The following MYO16 variants were observed in gnomAD, a reference collection of about 807,000 sequenced individuals.
The protein encoded by MYO16 is myosin XVI, also known as unconventional myosin-XVI.
In MYO16, 94 loss-of-function variants were observed where a neutral mutation model predicts 205.3. The observed-to-expected ratio is 0.46, with a 90% CI of 0.39 to 0.54. The LOEUF (loss-of-function observed/expected upper bound fraction) is 0.54. MYO16 is among the 20% of genes least tolerant of loss of function. MYO16 has a pLI of 0.00. For synonymous variants in MYO16, 988 were observed against 954.0 expected (o/e 1.04, Z -0.66); for missense variants, 2,315 against 2,387.5 (o/e 0.97, Z 0.63).
At chr13:108,628,506 A>G (rs1879834226), upstream of MYO16, among the ~76,000 whole-genome samples, 1 of 152,218 alleles carries the variant, frequency 6.6e-6, no homozygotes, top group Admixed American at 6.5e-5. Context: ...CTGAGGCTTT[A>G]GCAGGTTAAA....
rs568507777 is a variant in MYO16 at position 108,985,560 on chromosome 13, A to G, written c.2370-6816A>G. On this transcript the variant is annotated intron_variant, in intron 20 of 34. Coordinates refer to ENST00000457511, the MANE Select transcript of MYO16 (RefSeq NM_001198950.3). Reference sequence around the variant, plus strand: ...CGATCAGTGAAAACACTAGTGGGAAAAATACGGCGGTCAGTGTATTTAACT... The same window carrying G: ...CGATCAGTGAAAACACTAGTGGGAAGAATACGGCGGTCAGTGTATTTAACT... Among the ~76,000 whole-genome samples the G allele has an allele frequency of 5.3e-5, 8 of 152,334 alleles. No homozygotes were observed. The East Asian group carries it at 1.5e-3, about 29-fold the overall frequency.
chr13:108,962,373 G>C, intron 18 of MYO16, 51 bp from the exon 19 acceptor site: 2 of 1,419,308 alleles, frequency 1.4e-6, no homozygotes, highest in Non-Finnish European at 2.0e-6. Context: ...CAATGTTCTT[G>C]GTATCAAAAA....
Position 108,653,120 on chromosome 13 carries a change from G to A in MYO16, c.29-12766G>A, listed in dbSNP as rs142092997. Among the ~76,000 whole-genome samples, 353 of 152,254 alleles carry A rather than the reference G, an allele frequency of 2.3e-3. 2 individuals are homozygous for A. The highest frequency in any genetic ancestry group is 4.6e-3 in the Admixed American group (71 of 15,290). On this transcript the variant is annotated intron_variant, in intron 1 of 34. Coordinates refer to ENST00000457511, the MANE Select transcript of MYO16 (RefSeq NM_001198950.3). ...TCATAACCTGTTGTGGTTTTGACTT[G>A]CATTTCTCTGATGATCAATGATGTT...
intron 16 of MYO16, among the ~76,000 whole-genome samples, chr13:108,941,232 C>A (rs1882707487): frequency 6.6e-6 from 1 of 152,090 alleles, no homozygotes. Context: ...GAGCATGAAT[C>A]CATTTCCAGT....
At position 109,127,342 on chromosome 13, in the gene MYO16, C is replaced by A. The variant is rs368440442; in HGVS notation, c.3843C>A (p.Ala1281=). The A allele has an allele frequency of 1.9e-6, 3 of 1,612,402 alleles. No homozygotes were observed. In the African/African-American group the frequency reaches 4.0e-5, roughly 22 times the overall value. ...CCAGCTCCATGTCAGTCTGCGCGGCCGTGGATGGCCTGGGCCAGTGCCTCG... is the reference window on the plus strand; with the variant it reads ...CCAGCTCCATGTCAGTCTGCGCGGCAGTGGATGGCCTGGGCCAGTGCCTCG... ...FHPSSMSVCA[A]VDGLGQCLVG... Residue 1281 remains alanine, a synonymous_variant, in exon 31 of 35, where the codon GCC becomes GCA. Transcript: ENST00000457511. This position sits in a 1 kb window ranked among gnomAD's most constrained non-coding sequence, Gnocchi z 4.2.
intron 16 of MYO16, among the ~76,000 whole-genome samples, chr13:108,920,573 C>T (rs937738860): frequency 2.0e-5 from 3 of 152,172 alleles, no homozygotes; most frequent in African/African-American, 7.2e-5. Flanking sequence ...ATTCTCCAGC[C>T]TCAGCCTCCC....
intron 1 of MYO16, among the ~76,000 whole-genome samples, chr13:108,659,651 A>AG (rs1257787432): frequency 2.6e-5 from 4 of 152,172 alleles, no homozygotes; most frequent in African/African-American, 9.7e-5. Flanking sequence ...TTTCTGTAAG[A>AG]GCAGGACTAA....
intron 28 of MYO16, among the ~76,000 whole-genome samples, chr13:109,106,726 G>C (rs1889131535): frequency 6.6e-6 from 1 of 152,168 alleles, no homozygotes; most frequent in Admixed American, 6.5e-5. Flanking sequence ...CACTCACACA[G>C]CACTGGGAGA....
At chr13:108,606,647 C>T (rs1878970236) in intron 1 of MYO16, among the ~76,000 whole-genome samples, 1 of 152,076 alleles carries the variant, frequency 6.6e-6, no homozygotes, top group African/African-American at 2.4e-5. Flanking sequence ...CTCAGAGAAC[C>T]TCTGCTAGGG....
intron 10 of MYO16, among the ~76,000 whole-genome samples, chr13:108,851,811 G>A (rs147535372): frequency 5.8e-4 from 88 of 152,202 alleles, no homozygotes; most frequent in Non-Finnish European, 1.2e-3. Context: ...TCTTAGCACC[G>A]TGAAACTGGT....
chr13:108,702,803 G>C (rs1357182859), intron 2 of MYO16, among the ~76,000 whole-genome samples: 1 of 151,984 alleles, frequency 6.6e-6, no homozygotes, highest in African/African-American at 2.4e-5. Context: ...AGTGGTAGAG[G>C]GGACAGCTGA....
Position 108,828,198 on chromosome 13 carries a change from C to T in MYO16, c.1097+4920C>T, listed in dbSNP as rs548614363. Reference sequence around the variant, plus strand: ...CTTCAAGAACATGACTCATGCCAGGCGTGTGCTAACTCTGTTATTGTTTCA... The same window carrying T: ...CTTCAAGAACATGACTCATGCCAGGTGTGTGCTAACTCTGTTATTGTTTCA... On this transcript the variant is annotated intron_variant, in intron 9 of 34. Transcript: ENST00000457511. Among the ~76,000 whole-genome samples, 204 of 152,244 alleles carry T rather than the reference C, an allele frequency of 1.3e-3. 1 individual carries two copies. Among genetic ancestry groups the T allele is most frequent in the Non-Finnish European group, 1.4e-3 (97 of 68,012 alleles).
chr13:108,549,288 G>A, the MYO16 span, among the ~76,000 whole-genome samples: 3 of 152,122 alleles, frequency 2.0e-5, no homozygotes, highest in Non-Finnish European at 4.4e-5. Context: ...CCACACAGCT[G>A]GTTTTGAAGG....
At chr13:108,516,029 G>A in the MYO16 span, among the ~76,000 whole-genome samples, 1 of 140,840 alleles carries the variant, frequency 7.1e-6, no homozygotes, top group East Asian at 2.3e-4. Flanking sequence ...CAGCTGCTTT[G>A]TTTACCTAAG....
chr13:108,749,964 C>T (rs900326479), intron 4 of MYO16, among the ~76,000 whole-genome samples: 1 of 152,078 alleles, frequency 6.6e-6, no homozygotes, highest in African/African-American at 2.4e-5. Flanking sequence ...GACTGGCTAA[C>T]AAGCCATGAG....
the MYO16 span, among the ~76,000 whole-genome samples, chr13:108,560,390 C>T: frequency 6.6e-6 from 1 of 152,142 alleles, no homozygotes; most frequent in Non-Finnish European, 1.5e-5. Context: ...GGGATACGCT[C>T]AAGCCAAATT....
chr13:108,723,289 G>A (rs1168717223), intron 3 of MYO16, among the ~76,000 whole-genome samples: 1 of 151,976 alleles, frequency 6.6e-6, no homozygotes, highest in Non-Finnish European at 1.5e-5. Flanking sequence ...TGAATATTTT[G>A]TCTTAGGTTA....
intron 2 of MYO16, among the ~76,000 whole-genome samples, chr13:108,675,008 C>T (rs1882140520): frequency 6.6e-6 from 1 of 152,224 alleles, no homozygotes; most frequent in South Asian, 2.1e-4. Flanking sequence ...ATCAGCGTCA[C>T]TCCCATTTCA....
At chr13:108,597,234 C>T (rs931654709) in intron 1 of MYO16, among the ~76,000 whole-genome samples, 3 of 152,096 alleles carry the variant, frequency 2.0e-5, no homozygotes, top group African/African-American at 7.2e-5. Context: ...ATATTTATAG[C>T]AAAGTGATAA....
Sources: allele counts gnomAD v4.1 joint callset (sites outside exome capture counted in the v4.1 genomes callset), GRCh38; gene constraint gnomAD v4.1.1; non-coding constraint Gnocchi (gnomAD v3.1); transcripts MANE v1.5; gene names NCBI Gene and HGNC (gene_info 2026-07-23, HGNC 2026-07-21).